STAG1: variants seen among roughly 807,000 people sequenced by gnomAD.
The protein encoded by STAG1 is STAG1 cohesin complex component.
STAG1 carries 26 observed loss-of-function variants against 170.9 expected under a neutral mutation model. The ratio of observed to expected loss-of-function variants is 0.15; its 90% confidence interval spans 0.11 to 0.21. STAG1 has a LOEUF of 0.21. Among genes scored for constraint, STAG1 ranks in the 10% least tolerant of loss-of-function variants. The probability of loss-of-function intolerance (pLI) is 1.00; values close to 1 mark genes in which losing one functional copy is unlikely to be tolerated. For missense variants in STAG1, 964 were observed against 1,509.5 expected (o/e 0.64, Z 5.99); for synonymous variants, 514 against 497.7 (o/e 1.03, Z -0.44).
chr3:136,714,482 G>A (rs567862141), intron 1 of STAG1, among the ~76,000 whole-genome samples: 17 of 151,356 alleles, frequency 1.1e-4, no homozygotes, highest in South Asian at 6.3e-4. Context: ...TAATCCCAGC[G>A]CTTTGGGAGG....
At chr3:136,539,349 C>G (rs566957854) in intron 6 of STAG1, among the ~76,000 whole-genome samples, 9 of 151,946 alleles carry the variant, frequency 5.9e-5, no homozygotes, top group African/African-American at 1.9e-4. Flanking sequence ...GAAGTACATA[C>G]GATTAGACAG....
chr3:136,346,398 C>T (rs968656412), intron 29 of STAG1, among the ~76,000 whole-genome samples: 11 of 152,200 alleles, frequency 7.2e-5, no homozygotes, highest in African/African-American at 2.7e-4. Flanking sequence ...TCATTTTCAT[C>T]TCTGAAGGAT....
chr3:136,383,588 A>G (rs182117878), intron 22 of STAG1, among the ~76,000 whole-genome samples: 96 of 152,258 alleles, frequency 6.3e-4, no homozygotes, highest in African/African-American at 2.3e-3. Flanking sequence ...ACTAATCTAA[A>G]TTTTTCACAG....
intron 5 of STAG1, among the ~76,000 whole-genome samples, chr3:136,562,250 T>C (rs1017527542): frequency 6.7e-6 from 1 of 149,160 alleles, no homozygotes; most frequent in Non-Finnish European, 1.5e-5. Flanking sequence ...AAACAGTTTC[T>C]GAGTCATTTC....
chr3:136,688,810 T>C (rs1237617303), intron 1 of STAG1, among the ~76,000 whole-genome samples: 1 of 152,240 alleles, frequency 6.6e-6, no homozygotes, highest in Non-Finnish European at 1.5e-5. Context: ...AGCCTGTGAT[T>C]GTTTTTAAAG....
chr3:136,348,836 A>G (rs923267202), intron 29 of STAG1: 3 of 276,716 alleles, frequency 1.1e-5, no homozygotes, highest in Non-Finnish European at 2.1e-5. Context: ...GAATTTTAAT[A>G]GAATAGCATT....
rs182720509 is a variant in STAG1, at chr3:136,362,571, C to A, written c.2787+795G>T. 1.2e-4 allele frequency among the ~76,000 whole-genome samples: 17 copies of A among 141,350 alleles called. 1 individual carries two copies. The East Asian group carries it at 3.0e-3, about 25-fold the overall frequency. 92.7% of individuals were successfully genotyped at this position (141,350 alleles called of 152,430 possible). ...TCACTTGAGGCCGAGGAGTTTGAGA[C>A]CAGCCTGGCCAACATGGTGAAACAT... On this transcript the variant is annotated intron_variant, in intron 26 of 33. Coordinates refer to ENST00000383202, the MANE Select transcript of STAG1 (RefSeq NM_005862.3).
chr3:136,452,496 G>A (rs748279134), intron 13 of STAG1, among the ~76,000 whole-genome samples: 22 of 151,700 alleles, frequency 1.5e-4, no homozygotes, highest in Non-Finnish European at 2.8e-4. Context: ...CCCAGGAGGC[G>A]GAGCTTGCAG....
intron 1 of STAG1, among the ~76,000 whole-genome samples, chr3:136,730,423 A>C (rs1279131159): frequency 6.6e-6 from 1 of 152,174 alleles, no homozygotes; most frequent in African/African-American, 2.4e-5. Context: ...CCTGGACTCA[A>C]CCACTTTCCA....
At chr3:136,371,683 T>C (rs2108298225) in intron 23 of STAG1, among the ~76,000 whole-genome samples, 2 of 152,322 alleles carry the variant, frequency 1.3e-5, no homozygotes, top group South Asian at 4.1e-4. Flanking sequence ...CGGCATTATT[T>C]CTGAGGGCTC....
At position 136,349,540 on chromosome 3, in the gene STAG1, T is replaced by C. The variant is rs559235344; in HGVS notation, c.3066-177A>G. Among the ~76,000 whole-genome samples the C allele has an allele frequency of 2.0e-4, 30 of 152,326 alleles. 1 individual carries two copies. In the South Asian group the frequency reaches 6.2e-3, roughly 32 times the overall value. On this transcript the variant is annotated intron_variant, in intron 28 of 33. Transcript: ENST00000383202. ...GGGACTGAGGAGTTAAGGTTTTGTT[T>C]CACTTATTCTTGGGATACTTTAAAG...
intron 6 of STAG1, among the ~76,000 whole-genome samples, chr3:136,532,060 AT>A (rs1234679870): frequency 6.6e-6 from 1 of 152,160 alleles, no homozygotes; most frequent in Non-Finnish European, 1.5e-5. Context: ...ACTAAAAAAA[AT>A]ACAACGGATC....
intron 8 of STAG1, 56 bp downstream of exon 8, chr3:136,502,572 C>A: frequency 6.4e-7 from 1 of 1,557,140 alleles, no homozygotes; most frequent in South Asian, 1.2e-5. Flanking sequence ...GTACTAATGT[C>A]ATATATATTC....
At chr3:136,741,284 T>G (rs554326998) in intron 1 of STAG1, among the ~76,000 whole-genome samples, 2 of 152,250 alleles carry the variant, frequency 1.3e-5, no homozygotes, top group Non-Finnish European at 2.9e-5. Flanking sequence ...ACTGACACAG[T>G]GCATCGTTCT....
At chr3:136,505,483 C>T (rs1027754661) in intron 7 of STAG1, among the ~76,000 whole-genome samples, 4 of 152,118 alleles carry the variant, frequency 2.6e-5, no homozygotes, top group Non-Finnish European at 5.9e-5. Context: ...AATAACATGA[C>T]ACTAATAAAT....
intron 1 of STAG1, among the ~76,000 whole-genome samples, chr3:136,696,835 T>C (rs538077502): frequency 1.3e-5 from 2 of 152,172 alleles, no homozygotes; most frequent in South Asian, 4.1e-4. Context: ...GAACCACGAA[T>C]AAGAAAACAG....
At chr3:136,515,694 A>C (rs1432420298) in intron 7 of STAG1, among the ~76,000 whole-genome samples, 1 of 152,208 alleles carries the variant, frequency 6.6e-6, no homozygotes, top group Non-Finnish European at 1.5e-5. Context: ...TAGAACGTAA[A>C]AGACAATAAT....
intron 23 of STAG1, among the ~76,000 whole-genome samples, chr3:136,371,625 T>G (rs534656508): frequency 6.6e-6 from 1 of 152,334 alleles, no homozygotes; most frequent in East Asian, 1.9e-4. Context: ...CCTTTCCACA[T>G]TGCTTGTTTT....
intron 1 of STAG1, among the ~76,000 whole-genome samples, chr3:136,634,046 C>T (rs1467925624): frequency 1.4e-5 from 2 of 143,602 alleles, no homozygotes. Flanking sequence ...GAGGCTGAGG[C>T]AGGAGAATCA....
Sources: gnomAD v4.1 joint callset for allele counts (sites outside exome capture counted in the v4.1 genomes callset) on GRCh38, gnomAD v4.1.1 for gene constraint, MANE v1.5 for transcripts, NCBI Gene and HGNC (gene_info 2026-07-23, HGNC 2026-07-21) for gene names.